Variants in TRAPPC9 observed in about 807,000 individuals in gnomAD.
TRAPPC9 encodes the protein IKK2 binding protein.
A neutral mutation model predicts 124.0 loss-of-function variants in TRAPPC9; 83 were observed. The ratio of observed to expected loss-of-function variants is 0.67; its 90% CI spans 0.56 to 0.80. The LOEUF (loss-of-function observed/expected upper bound fraction) is 0.80, where lower values mean the gene tolerates loss of function less well. TRAPPC9 is among the 30% of genes least tolerant of loss of function. TRAPPC9 has a pLI of 0.00. For missense variants in TRAPPC9, 1,302 were observed against 1,508.3 expected (o/e 0.86, Z 2.27); for synonymous variants, 638 against 617.5 (o/e 1.03, Z -0.49).
At chr8:139,849,297 C>G (rs925434573) in intron 21 of TRAPPC9, among the ~76,000 whole-genome samples, 1 of 152,214 alleles carries the variant, frequency 6.6e-6, no homozygotes, top group African/African-American at 2.4e-5. Flanking sequence ...AGGAGAGGTT[C>G]CCTGTTGACA....
At chr8:140,299,746 C>G (rs1160870054) in intron 11 of TRAPPC9, among the ~76,000 whole-genome samples, 1 of 152,212 alleles carries the variant, frequency 6.6e-6, no homozygotes, top group East Asian at 1.9e-4. Context: ...GGGACAGGGC[C>G]GGTGGTGCAT....
chr8:139,839,912 C>T (rs1397108753), intron 21 of TRAPPC9, among the ~76,000 whole-genome samples: 4 of 152,212 alleles, frequency 2.6e-5, no homozygotes, highest in Non-Finnish European at 4.4e-5. Flanking sequence ...CAGTTTTCTA[C>T]GTTGTAGCCA....
intron 7 of TRAPPC9, among the ~76,000 whole-genome samples, chr8:140,394,397 G>A (rs1054797532): frequency 2.2e-4 from 34 of 152,328 alleles, no homozygotes; most frequent in Admixed American, 1.6e-3. Context: ...CATCAAGACA[G>A]TACTGGACAG....
At chr8:140,177,972 C>A (rs11166962) in intron 17 of TRAPPC9, among the ~76,000 whole-genome samples, 82,293 of 151,864 alleles carry the variant, frequency 0.54, 23,764 homozygotes, top group East Asian at 0.99. Flanking sequence ...AATATATAGA[C>A]ATAGGTTTGA....
intron 17 of TRAPPC9, among the ~76,000 whole-genome samples, chr8:140,144,670 A>T (rs573014818): frequency 1.3e-5 from 2 of 152,076 alleles, no homozygotes; most frequent in African/African-American, 4.8e-5. Flanking sequence ...TATTTTAAGT[A>T]GAGACGGGGT....
intron 17 of TRAPPC9, among the ~76,000 whole-genome samples, chr8:140,218,245 T>C (rs1022531359): frequency 6.6e-6 from 1 of 152,104 alleles, no homozygotes; most frequent in African/African-American, 2.4e-5. Context: ...ATCAGCATTT[T>C]TCATTCTATC....
intron 17 of TRAPPC9, among the ~76,000 whole-genome samples, chr8:140,105,461 G>A (rs1369731064): frequency 1.3e-5 from 2 of 152,074 alleles, no homozygotes; most frequent in Non-Finnish European, 2.9e-5. Flanking sequence ...CCTCCTTATT[G>A]TCAAGAGAGA....
chr8:140,357,108 G>A (rs116667513), intron 9 of TRAPPC9, among the ~76,000 whole-genome samples: 1 of 152,118 alleles, frequency 6.6e-6, no homozygotes, highest in Admixed American at 6.5e-5. Flanking sequence ...AGACAAGCAT[G>A]GACCAACTAA....
chr8:139,777,429 A>C (rs183289987), intron 21 of TRAPPC9, among the ~76,000 whole-genome samples: 146 of 152,326 alleles, frequency 9.6e-4, no homozygotes, highest in Non-Finnish European at 1.5e-3. Context: ...TTATCTCCTA[A>C]TGCAAGGGCT....
intron 17 of TRAPPC9, among the ~76,000 whole-genome samples, chr8:140,154,571 C>T (rs181191764): frequency 1.6e-4 from 25 of 152,320 alleles, no homozygotes; most frequent in Non-Finnish European, 3.4e-4. Context: ...AGCCCTCTGC[C>T]ACCTCTGCTT....
At chr8:139,763,541 G>T (rs1393123298) in intron 21 of TRAPPC9, among the ~76,000 whole-genome samples, 1 of 147,922 alleles carries the variant, frequency 6.8e-6, no homozygotes, top group Non-Finnish European at 1.5e-5. Flanking sequence ...ACAAAACAAC[G>T]CCCATGGCTT....
intron 16 of TRAPPC9, among the ~76,000 whole-genome samples, chr8:140,225,609 C>T (rs1000810692): frequency 1.3e-4 from 20 of 152,160 alleles, no homozygotes; most frequent in African/African-American, 4.8e-4. Flanking sequence ...ATGTGCAAAA[C>T]GTAAACTCCA....
chr8:140,086,473 G>T, intron 17 of TRAPPC9, among the ~76,000 whole-genome samples: 1 of 152,276 alleles, frequency 6.6e-6, no homozygotes, highest in South Asian at 2.1e-4. Flanking sequence ...ATGGCTCTCA[G>T]GGGCCACAGC....
chr8:140,172,528 CCT>C (rs2061987147), intron 17 of TRAPPC9, among the ~76,000 whole-genome samples: 1 of 151,514 alleles, frequency 6.6e-6, no homozygotes, highest in African/African-American at 2.4e-5. Flanking sequence ...AGTTAAACTA[CCT>C]CTGACAGTGG....
chr8:139,903,789 C>T (rs943880623), intron 20 of TRAPPC9, among the ~76,000 whole-genome samples: 6 of 152,140 alleles, frequency 3.9e-5, no homozygotes, highest in Non-Finnish European at 2.9e-5. Flanking sequence ...ACCTATAATC[C>T]CAGCACTTTG....
At chr8:140,239,254 G>A (rs962325655) in intron 16 of TRAPPC9, among the ~76,000 whole-genome samples, 1 of 152,222 alleles carries the variant, frequency 6.6e-6, no homozygotes, top group Non-Finnish European at 1.5e-5. Context: ...GGGCAGCTGG[G>A]GGTGGAGGGG....
chr8:139,950,411 G>A (rs188301061), intron 19 of TRAPPC9, among the ~76,000 whole-genome samples: 1 of 152,366 alleles, frequency 6.6e-6, no homozygotes, highest in Admixed American at 6.5e-5. Context: ...GGGAATTGAA[G>A]TTCAGGGTGG....
At chr8:140,458,139 GAGGAGGGA>G (rs1239354502), upstream of TRAPPC9, 4 of 1,472,594 alleles carry the variant, frequency 2.7e-6, no homozygotes, top group African/African-American at 1.5e-5. Context: ...GGAGGAAGAG[GAGGAGGGA>G]AGGAGGGAGA....
At position 139,892,719 on chromosome 8, in the gene TRAPPC9, C is replaced by T. The variant is rs186712133; in HGVS notation, c.2965-6750G>A. Among the ~76,000 whole-genome samples the T allele has an allele frequency of 2.6e-3, 398 of 152,326 alleles. 2 individuals carry two copies. Among genetic ancestry groups the T allele is most frequent in the Non-Finnish European group, 4.5e-3 (306 of 68,030 alleles). On this transcript the variant is annotated intron_variant, in intron 20 of 22. Coordinates refer to ENST00000438773, the MANE Select transcript of TRAPPC9 (RefSeq NM_001160372.4). Reference sequence around the variant, plus strand: ...CTCCAAAACCACTCTGGCTTTCCTCCGCTATAGAAGCACACAGCAGCTTGG... The same window carrying T: ...CTCCAAAACCACTCTGGCTTTCCTCTGCTATAGAAGCACACAGCAGCTTGG...
Sources: allele counts gnomAD v4.1 joint callset (sites outside exome capture counted in the v4.1 genomes callset), GRCh38; gene constraint gnomAD v4.1.1; transcripts MANE v1.5; gene names NCBI Gene and HGNC (gene_info 2026-07-23, HGNC 2026-07-21).